MECR: variants seen among roughly 807,000 people sequenced by gnomAD.
MECR encodes mitochondrial trans-2-enoyl-CoA reductase, also known as enoyl-[acyl-carrier-protein] reductase, mitochondrial.
A neutral mutation model predicts 49.1 loss-of-function variants in MECR; 37 were observed. That is an observed-to-expected ratio of 0.75 (90% confidence interval 0.58 to 0.99). The LOEUF is 0.99. MECR is among the 50% of genes least tolerant of loss of function. The pLI is 0.00. For missense variants in MECR, 470 were observed against 479.6 expected (o/e 0.98, Z 0.19); for synonymous variants, 198 against 191.1 (o/e 1.04, Z -0.30).
At chr1:29,191,508 T>C (rs1574212144), downstream of MECR, among the ~76,000 whole-genome samples, 1 of 152,282 alleles carries the variant, frequency 6.6e-6, no homozygotes, top group East Asian at 1.9e-4. Context: ...CTAAAGAACC[T>C]AATCTTAATT....
the MECR span, chr1:29,170,138 A>G: frequency 6.6e-6 from 1 of 152,184 alleles, no homozygotes; most frequent in Admixed American, 6.6e-5. Flanking sequence ...CAATTTTCTG[A>G]CACTTTTCAA....
the MECR span, chr1:29,168,774 T>C: frequency 6.6e-6 from 1 of 152,200 alleles, no homozygotes; most frequent in African/African-American, 2.4e-5. Flanking sequence ...AAGACTTGGA[T>C]CTAGACGTGG....
At position 29,201,399 on chromosome 1, in the gene MECR, T is replaced by C. The variant is rs1360051954; in HGVS notation, c.756+544A>G. 1.9e-6 allele frequency: 1 copy of C among 533,056 alleles called. No homozygotes were observed. Among genetic ancestry groups the C allele is most frequent in the Admixed American group, 1.9e-5 (1 of 51,524 alleles). 33.0% of individuals were successfully genotyped at this position (533,056 alleles called of 1,614,324 possible). ...TAGGCATGTTGTGGGGTGGAGGTTCTGGAAGGTTAAGAGGCTTTGAGTTCG... is the reference window on the plus strand; with the variant it reads ...TAGGCATGTTGTGGGGTGGAGGTTCCGGAAGGTTAAGAGGCTTTGAGTTCG... On this transcript the variant is annotated intron_variant, in intron 6 of 9. Transcript: ENST00000263702. The surrounding 1 kb of genome is among the most constrained non-coding windows in gnomAD (Gnocchi z 4.3).
intron 3 of MECR, among the ~76,000 whole-genome samples, chr1:29,214,888 C>A (rs920066394): frequency 6.6e-6 from 1 of 152,202 alleles, no homozygotes; most frequent in African/African-American, 2.4e-5. Flanking sequence ...GGATCAATAA[C>A]AGACGTGCCT....
chr1:29,201,119 C>G lies in MECR; in HGVS notation c.757-530G>C, dbSNP rs1192057667. On this transcript the variant is annotated intron_variant, in intron 6 of 9. Coordinates refer to ENST00000263702, the MANE Select transcript of MECR (RefSeq NM_016011.5). This position sits in a 1 kb window ranked among gnomAD's most constrained non-coding sequence, Gnocchi z 4.3. ...CCAAGAAGGGCCTTTTCTGTAGCAACTTAATCCTGTTGTCCATTTTAGGAC... is the reference window on the plus strand; with the variant it reads ...CCAAGAAGGGCCTTTTCTGTAGCAAGTTAATCCTGTTGTCCATTTTAGGAC... Among the ~76,000 whole-genome samples, 1 of 152,202 alleles carries G rather than the reference C, an allele frequency of 6.6e-6. No individual in the cohort carries two copies. Among genetic ancestry groups the G allele is most frequent in the African/African-American group, 2.4e-5 (1 of 41,456 alleles).
chr1:29,211,088 G>GTTTTT (rs112758931), intron 3 of MECR, among the ~76,000 whole-genome samples: 16 of 144,116 alleles, frequency 1.1e-4, no homozygotes, highest in Non-Finnish European at 7.6e-5. Context: ...TAAATAAAGG[G>GTTTTT]TTTTTTTTTT....
chr1:29,203,958 C>T (rs181939999), intron 4 of MECR, among the ~76,000 whole-genome samples: 144 of 152,282 alleles, frequency 9.5e-4, no homozygotes, highest in Non-Finnish European at 1.5e-3. Flanking sequence ...TTGGGGAAGG[C>T]GGTGTGACAT....
intron 1 of MECR, among the ~76,000 whole-genome samples, chr1:29,218,109 T>C (rs1679920379): frequency 6.6e-6 from 1 of 152,228 alleles, no homozygotes; most frequent in Non-Finnish European, 1.5e-5. Context: ...CCTCTGCTCA[T>C]GGTGGGTCTT....
intron 3 of MECR, among the ~76,000 whole-genome samples, chr1:29,207,940 GCCC>G (rs1677019742): frequency 6.6e-6 from 1 of 151,796 alleles, no homozygotes; most frequent in South Asian, 2.1e-4. Flanking sequence ...AGCTGAGAAA[GCCC>G]CCTTTTTCCT....
intron 1 of MECR, among the ~76,000 whole-genome samples, chr1:29,225,683 CA>C (rs1447277086): frequency 6.6e-6 from 1 of 152,180 alleles, no homozygotes; most frequent in Non-Finnish European, 1.5e-5. Flanking sequence ...GAGCTCTAAA[CA>C]GAGCACCAAA....
At chr1:29,177,351 G>A in the MECR span, among the ~76,000 whole-genome samples, 3 of 149,450 alleles carry the variant, frequency 2.0e-5, no homozygotes, top group Admixed American at 6.7e-5. Flanking sequence ...GCAGGATCTC[G>A]GCTCACCGCA....
intron 7 of MECR, among the ~76,000 whole-genome samples, chr1:29,199,728 C>A: frequency 6.6e-6 from 1 of 151,578 alleles, no homozygotes; most frequent in East Asian, 1.9e-4. Context: ...AAATGATTCT[C>A]GTGACTCAGC....
Position 29,193,611 on chromosome 1 carries a change from C to T in MECR, c.*411G>A, listed in dbSNP as rs1414031802. On this transcript the variant is annotated 3_prime_UTR_variant, in exon 10 of 10. Coordinates refer to ENST00000263702, the MANE Select transcript of MECR (RefSeq NM_016011.5). ...ATCAAAGCGTTTGTTCTACAGGACC[C>T]TCGTCTGTGGGCTTGTGCAGCTTGG... 5.5e-6 allele frequency: 1 copy of T among 182,532 alleles called. No individual in the cohort carries two copies. The highest frequency in any genetic ancestry group is 1.2e-5 in the Non-Finnish European group (1 of 85,646). The allele number at this position is 182,532 out of a possible 1,614,324, so 11.3% of individuals were successfully genotyped here.
At chr1:29,192,096 A>C (rs1444113755), downstream of MECR, among the ~76,000 whole-genome samples, 1 of 152,168 alleles carries the variant, frequency 6.6e-6, no homozygotes, top group Non-Finnish European at 1.5e-5. Flanking sequence ...GTCTCAAAAA[A>C]AAAAACAAAC....
chr1:29,199,229 T>G (rs536145874), intron 7 of MECR, among the ~76,000 whole-genome samples: 1 of 152,294 alleles, frequency 6.6e-6, no homozygotes, highest in South Asian at 2.1e-4. Context: ...CTCAAGAAGC[T>G]TTTATTTTTA....
the MECR span, among the ~76,000 whole-genome samples, chr1:29,173,910 T>C: frequency 0.85 from 129,019 of 151,672 alleles, 55,248 homozygotes; most frequent in Middle Eastern, 0.9. Context: ...GAACTCTTGG[T>C]GGGTGCGGTG....
At chr1:29,225,140 A>C (rs953503685) in intron 1 of MECR, among the ~76,000 whole-genome samples, 3 of 152,232 alleles carry the variant, frequency 2.0e-5, no homozygotes, top group African/African-American at 7.2e-5. Context: ...TATGAGTTAT[A>C]GGATGTGGAA....
intron 7 of MECR, among the ~76,000 whole-genome samples, chr1:29,198,108 G>A (rs927555367): frequency 3.3e-5 from 5 of 152,082 alleles, no homozygotes; most frequent in Non-Finnish European, 7.4e-5. Context: ...CCTTCCCTGC[G>A]TGCTTCACAA....
chr1:29,224,629 T>G (rs1681598252), intron 1 of MECR: 1 of 151,978 alleles, frequency 6.6e-6, no homozygotes, highest in Non-Finnish European at 1.5e-5. Context: ...GGTTTTGAGG[T>G]CTACAGAAAG....
Sources: allele counts gnomAD v4.1 joint callset (sites outside exome capture counted in the v4.1 genomes callset), GRCh38; gene constraint gnomAD v4.1.1; non-coding constraint Gnocchi (gnomAD v3.1); transcripts MANE v1.5; gene names NCBI Gene and HGNC (gene_info 2026-07-23, HGNC 2026-07-21).